Variants in FREM1 observed in about 807,000 individuals in gnomAD.
FREM1 encodes FRAS1-related extracellular matrix protein 1.
Under a neutral mutation model 210.1 loss-of-function variants are expected in FREM1, and 220 were observed. That is an observed-to-expected ratio of 1.05 (90% CI 0.94 to 1.17). FREM1 has a LOEUF of 1.17. FREM1 is among the 50% of genes most tolerant of loss of function. The pLI is 0.00. For synonymous variants in FREM1, 1,189 were observed against 980.2 expected (o/e 1.21, Z -3.98); for missense variants, 3,454 against 2,675.5 (o/e 1.29, Z -6.42).
At position 14,784,364 on chromosome 9, in the gene FREM1, G is replaced by A. The variant is rs1423649638; in HGVS notation, c.4442+6C>T. On this transcript the variant is annotated splice_donor_region_variant and intron_variant, in intron 24 of 36. Coordinates refer to ENST00000380880, the MANE Select transcript of FREM1 (RefSeq NM_001379081.2). ...AAGGGGTTTGAAAAGTTTCCATGGGGCTCACCTGAATCTGTCACTGGAGAC... is the reference window on the plus strand; with the variant it reads ...AAGGGGTTTGAAAAGTTTCCATGGGACTCACCTGAATCTGTCACTGGAGAC... 2 of 1,610,540 alleles carry A rather than the reference G, an allele frequency of 1.2e-6. No homozygotes were observed. The highest frequency in any genetic ancestry group is 8.5e-7 in the Non-Finnish European group (1 of 1,177,568).
At chr9:14,868,667 T>G in intron 2 of FREM1, 77 bp downstream of exon 2, 1 of 925,498 alleles carries the variant, frequency 1.1e-6, no homozygotes, top group Non-Finnish European at 1.7e-6. Context: ...TTTACATCTG[T>G]TCTCTGTCCC....
intron 5 of FREM1, among the ~76,000 whole-genome samples, chr9:14,856,439 TC>T (rs1828742087): frequency 6.6e-6 from 1 of 152,250 alleles, no homozygotes; most frequent in Admixed American, 6.5e-5. Flanking sequence ...TGATTCCTTG[TC>T]ATATCAATTC....
Position 14,776,206 on chromosome 9 carries a change from G to T in FREM1, c.4443-3C>A. 1 of 1,512,874 alleles carries T rather than the reference G, an allele frequency of 6.6e-7. No homozygotes were observed. Among genetic ancestry groups the T allele is most frequent in the South Asian group, 1.4e-5 (1 of 73,162 alleles). 93.7% of individuals were successfully genotyped at this position (1,512,874 alleles called of 1,614,324 possible). ...GCAGTCCATTGCTGATGATGAATCT[G>T]GTAAAGAGAGGCAAGGCAGCCTTCA... On this transcript the variant is annotated splice_region_variant and splice_polypyrimidine_tract_variant and intron_variant, in intron 24 of 36. Coordinates refer to ENST00000380880, the MANE Select transcript of FREM1 (RefSeq NM_001379081.2).
intron 1 of FREM1, among the ~76,000 whole-genome samples, chr9:14,903,578 A>G (rs1259628662): frequency 1.3e-5 from 2 of 152,180 alleles, no homozygotes; most frequent in Admixed American, 6.5e-5. Flanking sequence ...ATCTGGAAAG[A>G]CTTCCTTCCT....
intron 25 of FREM1, chr9:14,774,191 G>A (rs1336220801): frequency 3.9e-6 from 2 of 514,626 alleles, no homozygotes; most frequent in Non-Finnish European, 7.7e-6. Flanking sequence ...TTCCCTCATA[G>A]ATAAGAGTCT....
intron 20 of FREM1, among the ~76,000 whole-genome samples, chr9:14,800,523 T>C (rs907759757): frequency 2.0e-5 from 3 of 152,102 alleles, no homozygotes; most frequent in Non-Finnish European, 2.9e-5. Context: ...CCTCAGAAAA[T>C]AATGAGCATT....
intron 1 of FREM1, among the ~76,000 whole-genome samples, chr9:14,881,281 G>T (rs1035161244): frequency 1.3e-5 from 2 of 152,244 alleles, no homozygotes; most frequent in East Asian, 3.9e-4. Flanking sequence ...GTGTATCACT[G>T]GTCAGCCTGT....
intron 1 of FREM1, among the ~76,000 whole-genome samples, chr9:14,881,749 C>G (rs1354110542): frequency 1.3e-5 from 2 of 152,224 alleles, no homozygotes; most frequent in African/African-American, 2.4e-5. Context: ...TCACCCAGAA[C>G]AAAGACTATA....
chr9:14,862,004 C>A (rs1393837099), intron 3 of FREM1, among the ~76,000 whole-genome samples: 1 of 152,212 alleles, frequency 6.6e-6, no homozygotes, highest in Non-Finnish European at 1.5e-5. Context: ...CCGCTCCGCG[C>A]AAGTTCTTTG....
At position 14,856,253 on chromosome 9, in the gene FREM1, G is replaced by A. The variant is rs142111715; in HGVS notation, c.828+1300C>T. Among the ~76,000 whole-genome samples the A allele has an allele frequency of 8.7e-3, 1,327 of 152,256 alleles. 11 individuals are homozygous for A. The highest frequency in any genetic ancestry group is 0.014 in the Non-Finnish European group (919 of 68,018). ...GACCAAAAGTCACACAGTTAGTTAAGTGGACGTTTGAACCCAGGCAATCTG... is the reference window on the plus strand; with the variant it reads ...GACCAAAAGTCACACAGTTAGTTAAATGGACGTTTGAACCCAGGCAATCTG... On this transcript the variant is annotated intron_variant, in intron 5 of 36. Transcript: ENST00000380880.
intron 10 of FREM1, among the ~76,000 whole-genome samples, chr9:14,834,482 G>C (rs12553911): frequency 0.18 from 27,640 of 152,124 alleles, 2,750 homozygotes; most frequent in Middle Eastern, 0.24. Context: ...TAATCTATAA[G>C]GTTTCACTTG....
chr9:14,750,893 T>C (rs981380314), intron 29 of FREM1, among the ~76,000 whole-genome samples: 1 of 152,214 alleles, frequency 6.6e-6, no homozygotes, highest in Admixed American at 6.5e-5. Context: ...TCCCTCTTTC[T>C]GGCTGCCTCT....
intron 13 of FREM1, among the ~76,000 whole-genome samples, chr9:14,821,545 C>T (rs1821313145): frequency 6.6e-6 from 1 of 152,182 alleles, no homozygotes; most frequent in African/African-American, 2.4e-5. Flanking sequence ...AAAATCTAAT[C>T]AAGTTGACTC....
At chr9:14,822,124 G>A (rs886227704) in intron 13 of FREM1, among the ~76,000 whole-genome samples, 1 of 152,184 alleles carries the variant, frequency 6.6e-6, no homozygotes, top group African/African-American at 2.4e-5. Context: ...CACCATGTAA[G>A]ACGTGACTTT....
chr9:14,866,265 C>A (rs948820257), intron 2 of FREM1, among the ~76,000 whole-genome samples: 1 of 152,186 alleles, frequency 6.6e-6, no homozygotes, highest in Admixed American at 6.5e-5. Flanking sequence ...CTATTCCAAT[C>A]CTTGATTCTT....
At chr9:14,825,948 G>A (rs1003270878) in intron 10 of FREM1, among the ~76,000 whole-genome samples, 28 of 151,996 alleles carry the variant, frequency 1.8e-4, no homozygotes, top group Admixed American at 7.2e-4. Context: ...TTCATACCTC[G>A]TGTTATCTTC....
chr9:14,896,491 G>A (rs1427168257), intron 1 of FREM1, among the ~76,000 whole-genome samples: 1 of 146,218 alleles, frequency 6.8e-6, no homozygotes, highest in African/African-American at 2.6e-5. Flanking sequence ...GTTGCAGTTA[G>A]CTGAGATCGC....
intron 1 of FREM1, among the ~76,000 whole-genome samples, chr9:14,876,089 G>A (rs1438255032): frequency 1.3e-5 from 2 of 152,100 alleles, no homozygotes; most frequent in Non-Finnish European, 1.5e-5. Flanking sequence ...GCCCCTACTG[G>A]GGGGTGCCTC....
At chr9:14,748,157 G>C (rs1842785779) in intron 31 of FREM1, among the ~76,000 whole-genome samples, 1 of 152,016 alleles carries the variant, frequency 6.6e-6, no homozygotes. Context: ...GGTCACAAAA[G>C]GAATCAAAGA....
Sources: gnomAD v4.1 joint callset for allele counts (sites outside exome capture counted in the v4.1 genomes callset) on GRCh38, gnomAD v4.1.1 for gene constraint, MANE v1.5 for transcripts, NCBI Gene and HGNC (gene_info 2026-07-23, HGNC 2026-07-21) for gene names.